The following EYS variants were observed in gnomAD, a reference collection of about 807,000 sequenced individuals.
EYS encodes the protein protein eyes shut homolog.
EYS carries 250 observed loss-of-function variants against 282.1 expected under a neutral mutation model. The ratio of observed to expected loss-of-function variants is 0.89; its 90% CI spans 0.80 to 0.98. The LOEUF is 0.98. EYS is among the 50% of genes least tolerant of loss of function. The pLI, the probability that EYS is intolerant of heterozygous loss-of-function variation, is 0.00. For missense variants in EYS, 4,016 were observed against 3,709.0 expected, an observed-to-expected ratio of 1.08 and a Z score of -2.15; for synonymous variants, 1,355 against 1,282.9, an observed-to-expected ratio of 1.06 and a Z score of -1.20.
intron 16 of EYS, among the ~76,000 whole-genome samples, chr6:64,910,494 T>C (rs897490994): frequency 1.3e-5 from 2 of 152,088 alleles, no homozygotes; most frequent in Non-Finnish European, 2.9e-5. Flanking sequence ...TGCAAATTAG[T>C]TAAAAAATGA....
intron 28 of EYS, among the ~76,000 whole-genome samples, chr6:64,392,242 C>T (rs1449219460): frequency 4.1e-5 from 6 of 148,120 alleles, no homozygotes; most frequent in East Asian, 2.0e-4. Flanking sequence ...ACACGGATAC[C>T]CAGGAATTGA....
At chr6:63,738,546 A>G (rs1768987109) in intron 41 of EYS, among the ~76,000 whole-genome samples, 4 of 132,656 alleles carry the variant, frequency 3.0e-5, no homozygotes, top group Admixed American at 9.2e-5. Context: ...ATGAGAACAC[A>G]TGGACACAGG....
At chr6:64,268,217 GAA>G (rs917941312) in intron 30 of EYS, among the ~76,000 whole-genome samples, 1 of 151,920 alleles carries the variant, frequency 6.6e-6, no homozygotes, top group Non-Finnish European at 1.5e-5. Flanking sequence ...GTACTGATAT[GAA>G]AAGTCTCCAG....
intron 19 of EYS, among the ~76,000 whole-genome samples, chr6:64,876,710 G>A (rs1484843348): frequency 6.6e-6 from 1 of 152,120 alleles, no homozygotes; most frequent in Non-Finnish European, 1.5e-5. Context: ...AGGCTTGTAA[G>A]AGAAACTTCT....
intron 2 of EYS, among the ~76,000 whole-genome samples, chr6:65,502,346 C>G (rs1766484039): frequency 6.6e-6 from 1 of 151,550 alleles, no homozygotes; most frequent in South Asian, 2.1e-4. Context: ...CCCAGAAAAT[C>G]CTGCACATGG....
At chr6:65,118,878 G>GAA (rs528289808) in intron 12 of EYS, among the ~76,000 whole-genome samples, 2 of 87,298 alleles carry the variant, frequency 2.3e-5, no homozygotes, top group South Asian at 5.8e-4. Context: ...GTTCTTTAAG[G>GAA]AAAAAAAAAA....
intron 22 of EYS, among the ~76,000 whole-genome samples, chr6:64,673,016 C>A (rs1220158237): frequency 6.6e-6 from 1 of 152,106 alleles, no homozygotes. Flanking sequence ...TAACTTCTAT[C>A]TTTATAGTTA....
intron 15 of EYS, among the ~76,000 whole-genome samples, chr6:64,930,515 T>A (rs1158974529): frequency 1.3e-5 from 2 of 150,936 alleles, no homozygotes; most frequent in African/African-American, 4.9e-5. Context: ...ACATTAAAAC[T>A]TTCATAGTTT....
chr6:65,541,195 A>G (rs1543666), intron 2 of EYS, among the ~76,000 whole-genome samples: 113,400 of 152,020 alleles, frequency 0.75, 43,080 homozygotes, highest in African/African-American at 0.89. Flanking sequence ...ACAAATGTAC[A>G]TTAAATAGTT....
intron 27 of EYS, among the ~76,000 whole-genome samples, chr6:64,438,627 G>A (rs1366564503): frequency 6.7e-6 from 1 of 149,676 alleles, no homozygotes; most frequent in African/African-American, 2.4e-5. Context: ...GGTCAATAAA[G>A]AAGTAGAAGA....
At chr6:64,156,530 G>C (rs1774928559) in intron 31 of EYS, among the ~76,000 whole-genome samples, 1 of 152,206 alleles carries the variant, frequency 6.6e-6, no homozygotes, top group Non-Finnish European at 1.5e-5. Flanking sequence ...GGCAGAGGTT[G>C]CAACAGTTTG....
At chr6:63,917,922 G>C (rs1196393849) in intron 35 of EYS, among the ~76,000 whole-genome samples, 2 of 152,174 alleles carry the variant, frequency 1.3e-5, no homozygotes, top group Non-Finnish European at 2.9e-5. Flanking sequence ...GCATTAGTTT[G>C]GGGTACTATT....
At chr6:65,337,317 T>C (rs182358379) in intron 10 of EYS, among the ~76,000 whole-genome samples, 1 of 151,640 alleles carries the variant, frequency 6.6e-6, no homozygotes, top group Non-Finnish European at 1.5e-5. Flanking sequence ...TCTCTGTGTC[T>C]GTATGTCTAT....
intron 35 of EYS, among the ~76,000 whole-genome samples, chr6:63,930,203 T>C (rs1232413711): frequency 1.3e-5 from 2 of 152,156 alleles, no homozygotes; most frequent in African/African-American, 4.8e-5. Context: ...CCACAGTGTA[T>C]ATATGTATTA....
chr6:63,956,718 CCTT>C (rs532591907), intron 35 of EYS, among the ~76,000 whole-genome samples: 5 of 152,136 alleles, frequency 3.3e-5, no homozygotes, highest in African/African-American at 9.7e-5. Flanking sequence ...TCCATAGCCT[CCTT>C]ATCTGCAAAA....
chr6:65,287,604 A>C (rs1462841513), intron 12 of EYS, among the ~76,000 whole-genome samples: 1 of 151,306 alleles, frequency 6.6e-6, no homozygotes, highest in Non-Finnish European at 1.5e-5. Context: ...TGAGTTTGGG[A>C]GAAACCAATT....
At chr6:65,349,473 T>C (rs1330217425) in intron 9 of EYS, among the ~76,000 whole-genome samples, 1 of 151,514 alleles carries the variant, frequency 6.6e-6, no homozygotes, top group Non-Finnish European at 1.5e-5. Context: ...GTATGTCCAG[T>C]ATAATATAAG....
chr6:64,306,957 A>T lies in EYS; in HGVS notation c.6191+13T>A, dbSNP rs2150375915. ...TGAACAAGTTATTAGAAAAATCACT[A>T]CTGCTATTTTACCTGCAATTGTTAA... On this transcript the variant is annotated intron_variant, in intron 30 of 42. Transcript: ENST00000503581. 8.3e-7 allele frequency: 1 copy of T among 1,204,614 alleles called. No homozygotes were observed. Among genetic ancestry groups the T allele is most frequent in the Non-Finnish European group, 1.2e-6 (1 of 834,608 alleles). The allele number at this position is 1,204,614 out of a possible 1,614,324, so 74.6% of individuals were successfully genotyped here.
At chr6:64,661,498 G>T (rs1011177995) in intron 22 of EYS, among the ~76,000 whole-genome samples, 1 of 151,950 alleles carries the variant, frequency 6.6e-6, no homozygotes, top group African/African-American at 2.4e-5. Flanking sequence ...TCTGACAAAG[G>T]GCTAATATCC....
Sources: allele counts gnomAD v4.1 joint callset (sites outside exome capture counted in the v4.1 genomes callset), GRCh38; gene constraint gnomAD v4.1.1; transcripts MANE v1.5; gene names NCBI Gene and HGNC (gene_info 2026-07-23, HGNC 2026-07-21).